EXOC3L2: variants seen among roughly 807,000 people sequenced by gnomAD.
The protein encoded by EXOC3L2 is exocyst complex component 3 like 2.
A neutral mutation model predicts 44.4 loss-of-function variants in EXOC3L2; 17 were observed. The observed-to-expected ratio is 0.38, with a 90% CI of 0.26 to 0.57. The LOEUF is 0.57. EXOC3L2 is among the 20% of genes least tolerant of loss of function. EXOC3L2 has a pLI of 0.65. For synonymous variants in EXOC3L2, 256 were observed against 253.7 expected (o/e 1.01, Z -0.09); for missense variants, 541 against 588.4 (o/e 0.92, Z 0.83).
chr19:45,232,848 T>G (rs1970045316), intron 3 of EXOC3L2, among the ~76,000 whole-genome samples: 1 of 152,008 alleles, frequency 6.6e-6, no homozygotes, highest in Admixed American at 6.6e-5. Context: ...GAGGCCAAGG[T>G]GGGTGGATCA....
chr19:45,245,123 A>G (rs567409775), intron 1 of EXOC3L2, among the ~76,000 whole-genome samples: 1 of 151,828 alleles, frequency 6.6e-6, no homozygotes, highest in African/African-American at 2.4e-5. Flanking sequence ...GCGAGTCCTC[A>G]AATTCTCCCC....
intron 8 of EXOC3L2, among the ~76,000 whole-genome samples, chr19:45,224,386 C>A (rs1287162734): frequency 2.0e-5 from 3 of 152,044 alleles, no homozygotes; most frequent in Non-Finnish European, 2.9e-5. Flanking sequence ...CACACTCCCC[C>A]TGCAGTCTCT....
chr19:45,221,182 A>T (rs1276286588), intron 8 of EXOC3L2, among the ~76,000 whole-genome samples: 1 of 149,712 alleles, frequency 6.7e-6, no homozygotes, highest in Non-Finnish European at 1.5e-5. Context: ...CCCTGACAGC[A>T]GCCCAGTTTT....
At chr19:45,239,349 C>A (rs1208409104) in intron 1 of EXOC3L2, among the ~76,000 whole-genome samples, 2 of 150,000 alleles carry the variant, frequency 1.3e-5, no homozygotes, top group Non-Finnish European at 3.0e-5. Flanking sequence ...TCCTGAGTAG[C>A]TGGGACTACA....
chr19:45,220,076 G>T (rs941716701), intron 8 of EXOC3L2, among the ~76,000 whole-genome samples: 18 of 152,242 alleles, frequency 1.2e-4, no homozygotes, highest in Non-Finnish European at 2.4e-4. Context: ...GGGAGGCTGA[G>T]GCAGTAGAAT....
Position 45,224,872 on chromosome 19 carries a change from C to T in EXOC3L2, c.1625G>A (p.Ser542Asn), listed in dbSNP as rs557776339. 300 of 1,574,712 alleles carry T rather than the reference C, an allele frequency of 1.9e-4. 1 individual carries two copies. The East Asian group carries it at 6.8e-3, about 36-fold the overall frequency. Residue 542 changes from serine (S) to asparagine (N), a missense_variant, in exon 8 of 12, where the codon AGC becomes AAC. Physicochemically the swap from Ser to Asn is conservative, Grantham distance 46. Transcript: ENST00000413988. ...AGCAGATGCTTCCCGGGCCGGCTCG[C>T]TTTCTGGGGGCCCCACCCGGGCCAG... ...ERLARVGPPESEPAREASASA... is the reference protein window; with the variant it reads ...ERLARVGPPENEPAREASASA...
chr19:45,231,717 T>G (rs531905475), intron 4 of EXOC3L2, 46 bp downstream of exon 4: 1 of 1,525,862 alleles, frequency 6.6e-7, no homozygotes. Context: ...TGTGACCCCC[T>G]CCCTCCACAG....
intron 10 of EXOC3L2, chr19:45,216,877 G>A (rs1006881326): frequency 6.6e-6 from 1 of 152,160 alleles, no homozygotes; most frequent in African/African-American, 2.4e-5. Context: ...GGAACTCCAA[G>A]AAGAGCGACT....
intron 8 of EXOC3L2, among the ~76,000 whole-genome samples, chr19:45,224,284 G>T (rs1969930870): frequency 6.6e-6 from 1 of 152,086 alleles, no homozygotes; most frequent in Non-Finnish European, 1.5e-5. Flanking sequence ...CATTTGCTCT[G>T]CGTGAGCTGG....
intron 11 of EXOC3L2, among the ~76,000 whole-genome samples, chr19:45,213,984 C>T (rs1969807023): frequency 6.6e-6 from 1 of 151,680 alleles, no homozygotes; most frequent in Non-Finnish European, 1.5e-5. Flanking sequence ...AACCTTGTAC[C>T]CCACTCCCCC....
intron 8 of EXOC3L2, among the ~76,000 whole-genome samples, chr19:45,221,129 G>A (rs374650029): frequency 3.4e-4 from 52 of 152,012 alleles, no homozygotes; most frequent in South Asian, 2.1e-3. Context: ...ATGGGAGGGC[G>A]TCTAATTCCC....
Position 45,218,301 on chromosome 19 carries a change from T to A in EXOC3L2, c.1738A>T (p.Met580Leu). The change falls in exon 9 of 12, where the codon ATG becomes TTG. Residue 580 changes from methionine (M) to leucine (L), a missense_variant. By Grantham distance (15) the Met-to-Leu change is conservative (BLOSUM62 2). Coordinates refer to ENST00000413988, the MANE Select transcript of EXOC3L2 (RefSeq NM_001382422.1). ...GGGCTGCTCAGCCACTTCCGGCGCATCAGCTTGTTGAAGTGTGGCTGGCAG... is the reference window on the plus strand; with the variant it reads ...GGGCTGCTCAGCCACTTCCGGCGCAACAGCTTGTTGAAGTGTGGCTGGCAG... The part of the protein sequence containing the change: ...QELQPHFNKL[M>L]RRKWLSSPEA... 1 of 1,607,218 alleles carries A rather than the reference T, an allele frequency of 6.2e-7. No individual in the cohort carries two copies. The highest frequency in any genetic ancestry group is 1.3e-5 in the African/African-American group (1 of 74,920).
At chr19:45,237,320 C>T (rs761994334) in intron 2 of EXOC3L2, among the ~76,000 whole-genome samples, 3 of 151,884 alleles carry the variant, frequency 2.0e-5, no homozygotes. Flanking sequence ...AGCAACATAG[C>T]GAGACCCCCA....
intron 1 of EXOC3L2, among the ~76,000 whole-genome samples, chr19:45,244,465 C>T (rs199817807): frequency 2.0e-5 from 3 of 152,098 alleles, no homozygotes; most frequent in African/African-American, 7.2e-5. Flanking sequence ...AAACTGTCTC[C>T]GACGTCTTTC....
At chr19:45,227,592 G>T in intron 7 of EXOC3L2, 70 bp downstream of exon 7, 1 of 1,352,732 alleles carries the variant, frequency 7.4e-7, no homozygotes, top group South Asian at 1.3e-5. Flanking sequence ...CCCCACCCAG[G>T]ATCCGGGCAT....
chr19:45,238,705 C>T lies in EXOC3L2; in HGVS notation c.341G>A (p.Arg114Gln), dbSNP rs370209302. ...CGCTGCCTCCTCGTCGCCGTGGGCT[C>T]GGGTCCCATGCAGCCGGGCCAGGAG... ...FGLLARLHGT[R>Q]AHGDEEAAGE... The change falls in exon 2 of 12, where the codon CGA becomes CAA. Residue 114 changes from arginine to glutamine, a missense_variant. Coordinates refer to ENST00000413988, the MANE Select transcript of EXOC3L2 (RefSeq NM_001382422.1). The surrounding 1 kb of genome is among the most constrained non-coding windows in gnomAD (Gnocchi z 5.5). The T allele has an allele frequency of 1.0e-5, 4 of 398,930 alleles. No individual in the cohort carries two copies. The highest frequency in any genetic ancestry group is 1.3e-4 in the South Asian group (1 of 7,862). 24.7% of individuals were successfully genotyped at this position (398,930 alleles called of 1,614,324 possible).
In EXOC3L2 at chr19:45,224,904, G is replaced by A. The variant is rs766514950; in HGVS notation, c.1593C>T (p.Ala531=). Residue 531 remains alanine, a synonymous_variant, in exon 8 of 12, where the codon GCC becomes GCT. Transcript: ENST00000413988. ...VNCGPPLRAL[A]ERLARVGPPE... ...GGGGCCCCACCCGGGCCAGGCGCTC[G>A]GCCAGAGCTCTGTGGGGATCAACAG... 2.1e-5 allele frequency: 32 copies of A among 1,551,074 alleles called. No individual in the cohort carries two copies. The highest frequency in any genetic ancestry group is 6.1e-5 in the South Asian group (5 of 82,054).
At chr19:45,245,249 C>T (rs1206703071) in intron 1 of EXOC3L2, 92 bp downstream of exon 1, 2 of 152,234 alleles carry the variant, frequency 1.3e-5, no homozygotes, top group Non-Finnish European at 2.9e-5. Flanking sequence ...TACAGGTTCT[C>T]ATCAGCTCTG....
chr19:45,230,453 C>T (rs1464560875), intron 4 of EXOC3L2, among the ~76,000 whole-genome samples: 1 of 152,090 alleles, frequency 6.6e-6, no homozygotes, highest in Non-Finnish European at 1.5e-5. Context: ...CTCCTGACCT[C>T]GTGATCCACC....
Sources: allele counts gnomAD v4.1 joint callset (sites outside exome capture counted in the v4.1 genomes callset), GRCh38; gene constraint gnomAD v4.1.1; non-coding constraint Gnocchi (gnomAD v3.1); transcripts MANE v1.5; gene names NCBI Gene and HGNC (gene_info 2026-07-23, HGNC 2026-07-21).